DNAH5: variants seen among roughly 807,000 people sequenced by gnomAD.
DNAH5 encodes the protein dynein axonemal heavy chain 5, also known as axonemal beta dynein heavy chain 5.
DNAH5 carries 372 observed loss-of-function variants against 518.2 expected under a neutral mutation model. The ratio of observed to expected loss-of-function variants is 0.72; its 90% CI spans 0.66 to 0.78. The LOEUF (loss-of-function observed/expected upper bound fraction) is 0.78. DNAH5 is among the 30% of genes least tolerant of loss of function. The pLI is 0.00. For missense variants in DNAH5, 5,523 were observed against 5,687.0 expected (o/e 0.97, Z 0.93); for synonymous variants, 2,039 against 2,025.9 (o/e 1.01, Z -0.17).
At chr5:13,696,030 T>TG (rs1027043350) in intron 78 of DNAH5, among the ~76,000 whole-genome samples, 7 of 152,148 alleles carry the variant, frequency 4.6e-5, no homozygotes, top group Non-Finnish European at 1.0e-4. Context: ...TCTCTACCCC[T>TG]GGTCACCACA....
Position 13,698,142 on chromosome 5 carries a change from A to G in DNAH5, c.13723+2498T>C, listed in dbSNP as rs140610551. ...TTACTTCTACCTTCTGTCTGTGACC[A>G]TGGAATGACCCTCACCAGATGGTGG... On this transcript the variant is annotated intron_variant, in intron 78 of 78. Transcript: ENST00000265104. Among the ~76,000 whole-genome samples, 38 of 152,322 alleles carry G rather than the reference A, an allele frequency of 2.5e-4. No homozygotes were observed. In the East Asian group the frequency reaches 7.3e-3, roughly 29 times the overall value.
rs776343117 is a variant in DNAH5, at chr5:13,923,275, C to G, written c.438+5G>C. On this transcript the variant is annotated splice_donor_5th_base_variant and intron_variant, in intron 4 of 78. Coordinates refer to ENST00000265104, the MANE Select transcript of DNAH5 (RefSeq NM_001369.3). Reference sequence around the variant, plus strand: ...TCAGAGTAAACAATGGCTCTTGCCCCTTACCTGGTGGATGTTGTCAGGGGT... The same window carrying G: ...TCAGAGTAAACAATGGCTCTTGCCCGTTACCTGGTGGATGTTGTCAGGGGT... 2 of 1,614,008 alleles carry G rather than the reference C, an allele frequency of 1.2e-6. No individual in the cohort carries two copies. Among genetic ancestry groups the G allele is most frequent in the Admixed American group, 3.3e-5 (2 of 60,002 alleles).
At chr5:13,701,945 CTTAATT>C (rs1158607238) in intron 76 of DNAH5, among the ~76,000 whole-genome samples, 5 of 152,180 alleles carry the variant, frequency 3.3e-5, no homozygotes, top group Non-Finnish European at 7.4e-5. Context: ...ACTTGCTACA[CTTAATT>C]TTAACGGGGT....
rs758185085 is a variant in DNAH5 at position 13,923,459 on chromosome 5, T to C, written c.278-19A>G. 6.2e-7 allele frequency: 1 copy of C among 1,613,828 alleles called. No homozygotes were observed. The highest frequency in any genetic ancestry group is 2.2e-5 in the East Asian group (1 of 44,824). On this transcript the variant is annotated intron_variant, in intron 3 of 78. Transcript: ENST00000265104. Reference sequence around the variant, plus strand: ...AGTTGTCCTACAAAAGCAAAATAATTTTAGTTTCACAAATGCTTTTTGCAG... The same window carrying C: ...AGTTGTCCTACAAAAGCAAAATAATCTTAGTTTCACAAATGCTTTTTGCAG...
intron 45 of DNAH5, 101 bp from the exon 46 acceptor site, chr5:13,809,287 T>C: frequency 7.3e-7 from 1 of 1,378,214 alleles, no homozygotes; most frequent in Non-Finnish European, 1.0e-6. Context: ...CCTTCCAAAT[T>C]CTCCCCATAA....
chr5:13,781,037 T>C, intron 52 of DNAH5, 78 bp from the exon 53 acceptor site: 2 of 1,495,058 alleles, frequency 1.3e-6, no homozygotes, highest in South Asian at 2.3e-5. Flanking sequence ...AATATATGAA[T>C]AAGGCCTAAT....
intron 59 of DNAH5, among the ~76,000 whole-genome samples, chr5:13,765,754 T>C (rs1444548885): frequency 1.3e-5 from 2 of 152,222 alleles, no homozygotes; most frequent in Non-Finnish European, 2.9e-5. Context: ...TTTTTTTAAC[T>C]TTTATTGAAG....
chr5:13,944,884 A>G (rs1779786710), upstream of DNAH5, among the ~76,000 whole-genome samples: 1 of 152,214 alleles, frequency 6.6e-6, no homozygotes, highest in Non-Finnish European at 1.5e-5. Context: ...GAAACTTTAA[A>G]CCATATCAGA....
At position 13,885,197 on chromosome 5, in the gene DNAH5, C is replaced by G. The variant is rs1772228649; in HGVS notation, c.2775G>C (p.Leu925Phe). 6.2e-7 allele frequency: 1 copy of G among 1,613,994 alleles called. No homozygotes were observed. The highest frequency in any genetic ancestry group is 1.3e-5 in the African/African-American group (1 of 74,932). ...AKREEGNFDT[L>F]TSSINARANA... ...TGGCCCTGGCATTAATAGATGATGTCAAGGTGTCAAAATTTCCTTCTTCTC... is the reference window on the plus strand; with the variant it reads ...TGGCCCTGGCATTAATAGATGATGTGAAGGTGTCAAAATTTCCTTCTTCTC... The change falls in exon 19 of 79, where the codon TTG becomes TTC. Residue 925 changes from leucine to phenylalanine, a missense_variant. By Grantham distance (22) the Leu-to-Phe change is conservative. Around this residue, in one of 3 missense-constraint regions of DNAH5, gnomAD observed 5,121 missense variants for 5,223.3 expected, o/e 0.98. Coordinates refer to ENST00000265104, the MANE Select transcript of DNAH5 (RefSeq NM_001369.3).
chr5:13,722,315 G>T (rs1193939534), intron 70 of DNAH5, among the ~76,000 whole-genome samples: 1 of 152,108 alleles, frequency 6.6e-6, no homozygotes, highest in African/African-American at 2.4e-5. Flanking sequence ...CCAGTAATCT[G>T]GGCTCATCCC....
At chr5:13,911,119 G>A (rs1278602535) in intron 12 of DNAH5, among the ~76,000 whole-genome samples, 1 of 152,200 alleles carries the variant, frequency 6.6e-6, no homozygotes, top group African/African-American at 2.4e-5. Context: ...AACAGAAGAT[G>A]AAAGTTAACT....
At chr5:13,844,374 G>C (rs1765678819) in intron 32 of DNAH5, among the ~76,000 whole-genome samples, 1 of 152,120 alleles carries the variant, frequency 6.6e-6, no homozygotes, top group Non-Finnish European at 1.5e-5. Flanking sequence ...TCTCCGTCAA[G>C]TTAAATGACC....
At chr5:13,823,909 A>G (rs1464108069) in intron 39 of DNAH5, among the ~76,000 whole-genome samples, 1 of 152,206 alleles carries the variant, frequency 6.6e-6, no homozygotes, top group East Asian at 1.9e-4. Context: ...CAAAGGTGAG[A>G]TTTGAGTTCT....
chr5:13,811,692 G>A lies in DNAH5; in HGVS notation c.7362C>T (p.Val2454=). Residue 2454 remains valine (V), a synonymous_variant, in exon 44 of 79, where the codon GTC becomes GTT. Transcript: ENST00000265104. ...GAAGCATGTTAATGCTCTGTGTGAT[G>A]ACAAAGGCCTCCAGCACCTCCATCT... ...EYKMEVLEAF[V]ITQSINMLQG... The A allele has an allele frequency of 1.2e-6, 2 of 1,614,162 alleles. No homozygotes were observed. Among genetic ancestry groups the A allele is most frequent in the Non-Finnish European group, 1.7e-6 (2 of 1,180,034 alleles).
chr5:13,776,858 T>A, intron 54 of DNAH5, 152 bp from the exon 55 acceptor site: 1 of 877,648 alleles, frequency 1.1e-6, no homozygotes. Context: ...TACACTACGT[T>A]TTAAAATAAA....
chr5:13,730,705 ATTT>A (rs925844207), intron 68 of DNAH5, among the ~76,000 whole-genome samples: 4 of 123,456 alleles, frequency 3.2e-5, no homozygotes, highest in Non-Finnish European at 1.7e-5. Context: ...AAGTGCTGTT[ATTT>A]TTTTTTTTTT....
intron 56 of DNAH5, 134 bp downstream of exon 56, chr5:13,770,615 C>T (rs551654725): frequency 1.8e-4 from 137 of 775,600 alleles, no homozygotes; most frequent in Middle Eastern, 1.4e-3. Context: ...CAGCAGTACC[C>T]CTTCCCTGCC....
intron 70 of DNAH5, among the ~76,000 whole-genome samples, chr5:13,723,353 C>G (rs376135279): frequency 9.2e-5 from 14 of 152,170 alleles, no homozygotes; most frequent in African/African-American, 2.9e-4. Context: ...TGAGGCATTC[C>G]ACAGTTGCAG....
At chr5:13,937,862 T>C (rs1326748364) in intron 1 of DNAH5, among the ~76,000 whole-genome samples, 1 of 152,122 alleles carries the variant, frequency 6.6e-6, no homozygotes, top group East Asian at 1.9e-4. Flanking sequence ...ATGTAACAAA[T>C]ATAATAGAGA....
Sources: gnomAD v4.1 joint callset for allele counts (sites outside exome capture counted in the v4.1 genomes callset) on GRCh38, gnomAD v4.1.1 for gene constraint, gnomAD v4.1.1 regional missense constraint, MANE v1.5 for transcripts, NCBI Gene and HGNC (gene_info 2026-07-23, HGNC 2026-07-21) for gene names.